The following ITPR2 variants were observed in gnomAD, a reference collection of about 807,000 sequenced individuals.
The protein encoded by ITPR2 is inositol 1,4,5-trisphosphate receptor type 2.
A neutral mutation model predicts 317.1 loss-of-function variants in ITPR2; 207 were observed. The observed-to-expected ratio is 0.65, with a 90% CI of 0.58 to 0.73. The LOEUF is 0.73. Ranked by LOEUF, ITPR2 falls within the 30% of genes least tolerant of loss-of-function variation. The pLI is 0.00. For synonymous variants in ITPR2, 1,156 were observed against 1,149.1 expected (o/e 1.01, Z -0.12); for missense variants, 2,613 against 3,284.0 (o/e 0.80, Z 4.99).
intron 1 of ITPR2, among the ~76,000 whole-genome samples, chr12:26,832,401 G>A (rs540675336): frequency 6.6e-6 from 1 of 152,376 alleles, no homozygotes; most frequent in South Asian, 2.1e-4. Flanking sequence ...AGAAGCCAGC[G>A]AAGACCTCTT....
chr12:26,634,976 A>G (rs973918162), intron 21 of ITPR2, among the ~76,000 whole-genome samples: 2 of 151,956 alleles, frequency 1.3e-5, no homozygotes, highest in East Asian at 3.8e-4. Flanking sequence ...GATTACATAG[A>G]TATTTTTAGT....
intron 49 of ITPR2, among the ~76,000 whole-genome samples, chr12:26,426,895 A>C (rs1376504818): frequency 6.6e-6 from 1 of 151,020 alleles, no homozygotes; most frequent in Non-Finnish European, 1.5e-5. Context: ...ATATTTGCTA[A>C]ATATTAAATA....
At chr12:26,732,609 C>T (rs1246197463) in intron 2 of ITPR2, among the ~76,000 whole-genome samples, 1 of 152,154 alleles carries the variant, frequency 6.6e-6, no homozygotes, top group Non-Finnish European at 1.5e-5. Flanking sequence ...TTATTTTCTC[C>T]ATGTTACAGA....
rs185020294 is a variant in ITPR2 at position 26,660,824 on chromosome 12, T to C, written c.1714-1539A>G. ...TAGAGGTGGTATCAAATTTTATAAA[T>C]AGTAATAAATAGATCTTCAATATTA... On this transcript the variant is annotated intron_variant, in intron 15 of 56. Transcript: ENST00000381340. Among the ~76,000 whole-genome samples the C allele has an allele frequency of 9.9e-5, 15 of 152,178 alleles. No homozygotes were observed. In the East Asian group the frequency reaches 2.9e-3, roughly 29 times the overall value.
chr12:26,599,040 A>T, intron 30 of ITPR2, 105 bp downstream of exon 30: 1 of 1,001,046 alleles, frequency 1.0e-6, no homozygotes, highest in Non-Finnish European at 1.5e-6. Flanking sequence ...TAAATTAAAT[A>T]ATTTTCCAAA....
At chr12:26,456,275 T>C (rs1171041616) in intron 45 of ITPR2, among the ~76,000 whole-genome samples, 1 of 152,208 alleles carries the variant, frequency 6.6e-6, no homozygotes, top group Non-Finnish European at 1.5e-5. Flanking sequence ...GACCTCTGGT[T>C]GTCCTTACTG....
chr12:26,587,510 G>C (rs1025990079), intron 32 of ITPR2, among the ~76,000 whole-genome samples: 1 of 152,122 alleles, frequency 6.6e-6, no homozygotes, highest in African/African-American at 2.4e-5. Flanking sequence ...GCTGAGATAG[G>C]AATGCATTTG....
chr12:26,829,409 C>A (rs1457366351), intron 1 of ITPR2, among the ~76,000 whole-genome samples: 2 of 151,854 alleles, frequency 1.3e-5, no homozygotes, highest in Non-Finnish European at 2.9e-5. Context: ...TTGCTCCCTG[C>A]AGCCTTGACC....
At chr12:26,415,520 T>A (rs200776104) in intron 50 of ITPR2, 22 bp from the exon 51 acceptor site, 16 of 1,440,864 alleles carry the variant, frequency 1.1e-5, no homozygotes, top group Non-Finnish European at 1.5e-5. Flanking sequence ...AAGAAAACAC[T>A]AATAAGAAAA....
chr12:26,434,428 G>A (rs988414895), intron 48 of ITPR2, among the ~76,000 whole-genome samples: 1 of 152,150 alleles, frequency 6.6e-6, no homozygotes, highest in African/African-American at 2.4e-5. Flanking sequence ...CAAATACCAT[G>A]TATTCTGCTT....
chr12:26,398,102 GAGAC>G (rs1368712700), intron 54 of ITPR2, among the ~76,000 whole-genome samples: 1 of 150,224 alleles, frequency 6.7e-6, no homozygotes, highest in East Asian at 1.9e-4. Flanking sequence ...GTGTGTAAGA[GAGAC>G]AGAGAGAGAG....
chr12:26,646,834 T>C (rs73074509), intron 21 of ITPR2, among the ~76,000 whole-genome samples: 5,353 of 152,216 alleles, frequency 0.035, 163 homozygotes, highest in Non-Finnish European at 0.054. Context: ...CATCATAACA[T>C]ATATACCAAC....
At chr12:26,632,109 T>C in intron 21 of ITPR2, 50 bp from the exon 22 acceptor site, 1 of 1,429,212 alleles carries the variant, frequency 7.0e-7, no homozygotes, top group Non-Finnish European at 9.3e-7. Context: ...CTGGAGATCA[T>C]GTAACTATAA....
intron 42 of ITPR2, 30 bp downstream of exon 42, chr12:26,483,668 T>C (rs1307912840): frequency 2.0e-6 from 3 of 1,506,856 alleles, no homozygotes; most frequent in Non-Finnish European, 2.8e-6. Flanking sequence ...TTAATCCCTT[T>C]ACTAATTAGT....
At chr12:26,700,503 G>A (rs1948424455) in intron 9 of ITPR2, among the ~76,000 whole-genome samples, 1 of 152,234 alleles carries the variant, frequency 6.6e-6, no homozygotes, top group Admixed American at 6.5e-5. Context: ...ATCAACTGAA[G>A]TGCTTTATGC....
intron 2 of ITPR2, among the ~76,000 whole-genome samples, chr12:26,746,493 T>G (rs1949326957): frequency 6.6e-6 from 1 of 152,224 alleles, no homozygotes; most frequent in Non-Finnish European, 1.5e-5. Flanking sequence ...TGGTCCTAAC[T>G]GAGTGTGTCC....
intron 2 of ITPR2, among the ~76,000 whole-genome samples, chr12:26,763,200 T>C (rs1051335749): frequency 1.3e-5 from 2 of 152,140 alleles, no homozygotes; most frequent in South Asian, 4.1e-4. Context: ...ATTCATAATG[T>C]ATACATATAT....
intron 1 of ITPR2, among the ~76,000 whole-genome samples, chr12:26,815,466 T>G (rs748193779): frequency 2.0e-5 from 3 of 152,236 alleles, no homozygotes; most frequent in Non-Finnish European, 4.4e-5. Flanking sequence ...TTTCTTTCTA[T>G]TACTATGTTC....
At position 26,706,532 on chromosome 12, in the gene ITPR2, C is replaced by A. The variant is rs75792547; in HGVS notation, c.951+4641G>T. On this transcript the variant is annotated intron_variant, in intron 9 of 56. Coordinates refer to ENST00000381340, the MANE Select transcript of ITPR2 (RefSeq NM_002223.4). ...CCCTCACTGTCTGAACGCCCTTTCT[C>A]CCTCTTCCCCATGTGCCTTACTCAT... Among the ~76,000 whole-genome samples, 6 of 152,290 alleles carry A rather than the reference C, an allele frequency of 3.9e-5. No individual in the cohort carries two copies. In the East Asian group the frequency reaches 1.2e-3, roughly 29 times the overall value.
Sources: gnomAD v4.1 joint callset for allele counts (sites outside exome capture counted in the v4.1 genomes callset) on GRCh38, gnomAD v4.1.1 for gene constraint, MANE v1.5 for transcripts, NCBI Gene and HGNC (gene_info 2026-07-23, HGNC 2026-07-21) for gene names.